The following TBC1D2B variants were observed in gnomAD, a reference collection of about 807,000 sequenced individuals.
TBC1D2B encodes the protein TBC1 domain family, member 2B.
TBC1D2B carries 64 observed loss-of-function variants against 100.8 expected under a neutral mutation model. That is an observed-to-expected ratio of 0.64 (90% CI 0.52 to 0.78). TBC1D2B has a LOEUF of 0.78. Ranked by LOEUF, TBC1D2B falls within the 30% of genes least tolerant of loss-of-function variation. The probability of loss-of-function intolerance (pLI) is 0.00; values close to 1 mark genes in which losing one functional copy is unlikely to be tolerated. For missense variants in TBC1D2B, 1,052 were observed against 1,218.4 expected (o/e 0.86, Z 2.03); for synonymous variants, 480 against 479.7 (o/e 1.00, Z -0.01).
chr15:78,039,086 C>T (rs1204769410), intron 3 of TBC1D2B, among the ~76,000 whole-genome samples: 1 of 152,238 alleles, frequency 6.6e-6, no homozygotes. Flanking sequence ...CTTTCTGCTT[C>T]CTTCTCCAGA....
At chr15:78,068,604 G>A (rs1332229147) in intron 1 of TBC1D2B, among the ~76,000 whole-genome samples, 2 of 152,220 alleles carry the variant, frequency 1.3e-5, no homozygotes, top group Non-Finnish European at 2.9e-5. Flanking sequence ...TCCTGAATCT[G>A]TAGCCGACTG....
intron 1 of TBC1D2B, among the ~76,000 whole-genome samples, chr15:78,071,468 AAAGTTT>A (rs2073742201): frequency 6.6e-6 from 1 of 152,220 alleles, no homozygotes. Context: ...CTTTACATAA[AAAGTTT>A]GCCTCTGCTA....
Position 78,024,405 on chromosome 15 carries a change from G to A in TBC1D2B, c.1221C>T (p.Gly407=). The change falls in exon 6 of 13, where the codon GGC becomes GGT. Residue 407 remains glycine (G), a synonymous_variant. Coordinates refer to ENST00000300584, the MANE Select transcript of TBC1D2B (RefSeq NM_144572.2). The part of the protein sequence containing the change: ...LLHQKDDQIL[G]LTSQLERFSL... ...TGAACCTCTCCAGCTGGCTGGTAAG[G>A]CCCAGAATCTGATCATCCTTTTGGT... The A allele has an allele frequency of 6.2e-7, 1 of 1,614,056 alleles. No homozygotes were observed. Among genetic ancestry groups the A allele is most frequent in the Non-Finnish European group, 8.5e-7 (1 of 1,179,910 alleles).
chr15:78,031,954 G>A (rs1003311559), intron 3 of TBC1D2B, among the ~76,000 whole-genome samples: 1 of 152,184 alleles, frequency 6.6e-6, no homozygotes, highest in African/African-American at 2.4e-5. Flanking sequence ...GGAAAACCCA[G>A]GAGGAGCCCA....
At chr15:78,005,314 T>A (rs576743165) in intron 10 of TBC1D2B, among the ~76,000 whole-genome samples, 1 of 152,324 alleles carries the variant, frequency 6.6e-6, no homozygotes, top group East Asian at 1.9e-4. Context: ...AGCAAGGTCC[T>A]GGCACAGAAC....
intron 1 of TBC1D2B, among the ~76,000 whole-genome samples, chr15:78,068,377 C>A (rs71462550): frequency 0.02 from 2,016 of 100,008 alleles, 19 homozygotes; most frequent in Non-Finnish European, 0.031. Flanking sequence ...AGCACACACA[C>A]CACACCCACA....
chr15:78,002,003 T>A, intron 11 of TBC1D2B: 1 of 253,514 alleles, frequency 3.9e-6, no homozygotes, highest in Non-Finnish European at 7.5e-6. Context: ...CTTTGTGGAA[T>A]CCTTTCATAC....
At chr15:78,065,629 T>C (rs999355581) in intron 1 of TBC1D2B, among the ~76,000 whole-genome samples, 6 of 152,174 alleles carry the variant, frequency 3.9e-5, no homozygotes, top group Admixed American at 3.9e-4. Context: ...TCAGGATAAA[T>C]AACAACTCCT....
At chr15:78,008,717 G>C (rs536953534) in intron 10 of TBC1D2B, among the ~76,000 whole-genome samples, 5 of 152,200 alleles carry the variant, frequency 3.3e-5, no homozygotes, top group Non-Finnish European at 7.3e-5. Context: ...GCCTGTGTCC[G>C]GGGAAGACAG....
intron 4 of TBC1D2B, 178 bp from the exon 5 acceptor site, chr15:78,025,675 C>T (rs1235730710): frequency 1.0e-5 from 4 of 399,784 alleles, no homozygotes; most frequent in East Asian, 9.2e-5. Flanking sequence ...TACAAGCACC[C>T]GCCACCATGC....
intron 1 of TBC1D2B, chr15:78,065,943 T>C (rs2073647049): frequency 2.2e-6 from 1 of 460,470 alleles, no homozygotes; most frequent in Non-Finnish European, 4.6e-6. Context: ...GGAGTTGGTG[T>C]CTCAGGAGTA....
At chr15:78,042,080 G>A (rs1478553433) in intron 3 of TBC1D2B, among the ~76,000 whole-genome samples, 4 of 152,174 alleles carry the variant, frequency 2.6e-5, no homozygotes, top group African/African-American at 9.7e-5. Flanking sequence ...CAAAGGCACA[G>A]CTGATAGAAG....
chr15:78,013,851 T>C (rs2072300397), intron 8 of TBC1D2B, among the ~76,000 whole-genome samples: 1 of 152,252 alleles, frequency 6.6e-6, no homozygotes, highest in African/African-American at 2.4e-5. Flanking sequence ...GGAACGTTAA[T>C]GCAGTTAAGA....
intron 10 of TBC1D2B, among the ~76,000 whole-genome samples, chr15:78,006,912 T>G (rs1380995720): frequency 1.3e-5 from 2 of 152,186 alleles, no homozygotes; most frequent in Non-Finnish European, 2.9e-5. Flanking sequence ...GCCGTGGCCC[T>G]CAGGTACCAC....
intron 1 of TBC1D2B, among the ~76,000 whole-genome samples, chr15:78,076,579 C>CT (rs1216475363): frequency 1.6e-5 from 2 of 122,844 alleles, no homozygotes; most frequent in Non-Finnish European, 3.7e-5. Context: ...ACCCCCGTTT[C>CT]TTTAAAAAAA....
At chr15:78,054,802 C>T (rs1458823886) in intron 1 of TBC1D2B, among the ~76,000 whole-genome samples, 7 of 152,154 alleles carry the variant, frequency 4.6e-5, no homozygotes, top group African/African-American at 7.2e-5. Flanking sequence ...GTTAAACATA[C>T]ACTTACCAAG....
rs12594973 is a variant in TBC1D2B at position 78,040,610 on chromosome 15, G to A, written c.683+4290C>T. On this transcript the variant is annotated intron_variant, in intron 3 of 12. Transcript: ENST00000300584. ...GGAGAAAGAAAGAGAGAAAGTGAGA[G>A]AGAAAGAAAGAGAGAGAGAAAGAAA... is the stretch of plus-strand genomic sequence containing the variant. 3.1e-3 allele frequency among the ~76,000 whole-genome samples: 39 copies of A among 12,514 alleles called. No homozygotes were observed. In the East Asian group the frequency reaches 0.12, roughly 39 times the overall value. The allele number at this position is 12,514 out of a possible 152,430, so 8.2% of individuals were successfully genotyped here.
intron 4 of TBC1D2B, among the ~76,000 whole-genome samples, chr15:78,027,601 G>A (rs1437846909): frequency 6.6e-6 from 1 of 152,174 alleles, no homozygotes; most frequent in African/African-American, 2.4e-5. Flanking sequence ...GTTAGGCAGA[G>A]GGCTAAGAAG....
chr15:78,059,746 T>C (rs915325498), intron 1 of TBC1D2B, among the ~76,000 whole-genome samples: 7 of 152,236 alleles, frequency 4.6e-5, no homozygotes, highest in African/African-American at 1.7e-4. Flanking sequence ...CTGTTCCTCC[T>C]CTTGGGCCCC....
Sources: gnomAD v4.1 joint callset for allele counts (sites outside exome capture counted in the v4.1 genomes callset) on GRCh38, gnomAD v4.1.1 for gene constraint, MANE v1.5 for transcripts, NCBI Gene and HGNC (gene_info 2026-07-23, HGNC 2026-07-21) for gene names.